PDE1A: variants seen among roughly 807,000 people sequenced by gnomAD.
PDE1A encodes phosphodiesterase 1A.
In PDE1A, 35 loss-of-function variants were observed where a neutral mutation model predicts 61.7. That is an observed-to-expected ratio of 0.57 (90% CI 0.43 to 0.75). The LOEUF (loss-of-function observed/expected upper bound fraction) is 0.75. Ranked by LOEUF, PDE1A falls within the 30% of genes least tolerant of loss-of-function variation. The pLI, the probability that PDE1A is intolerant of heterozygous loss-of-function variation, is 0.00. For missense variants in PDE1A, 597 were observed against 630.6 expected (o/e 0.95, Z 0.57); for synonymous variants, 232 against 213.2 (o/e 1.09, Z -0.77).
At chr2:182,308,335 A>G (rs1288326312) in intron 1 of PDE1A, among the ~76,000 whole-genome samples, 5 of 152,184 alleles carry the variant, frequency 3.3e-5, no homozygotes, top group Non-Finnish European at 7.4e-5. Context: ...ATAAAGATGG[A>G]TGTGGTTTGT....
chr2:182,677,491 G>A, the PDE1A span, among the ~76,000 whole-genome samples: 1 of 151,996 alleles, frequency 6.6e-6, no homozygotes, highest in African/African-American at 2.4e-5. Flanking sequence ...CAAATGATTC[G>A]ATGTTATTCC....
At chr2:182,654,271 T>C in the PDE1A span, among the ~76,000 whole-genome samples, 1 of 152,224 alleles carries the variant, frequency 6.6e-6, no homozygotes, top group African/African-American at 2.4e-5. Context: ...TCCACCACCG[T>C]CTACCAAAAT....
chr2:182,401,961 T>A (rs904385678), intron 1 of PDE1A, among the ~76,000 whole-genome samples: 1 of 151,894 alleles, frequency 6.6e-6, no homozygotes. Context: ...GAAATACAAC[T>A]TACAAGGGAT....
the PDE1A span, among the ~76,000 whole-genome samples, chr2:182,703,116 T>C: frequency 1.4e-4 from 22 of 152,202 alleles, 1 homozygote; most frequent in South Asian, 4.1e-4. Flanking sequence ...GAAAGCATGA[T>C]AAAATTTCTT....
the PDE1A span, among the ~76,000 whole-genome samples, chr2:182,610,767 AAG>A: frequency 2.6e-5 from 4 of 152,324 alleles, no homozygotes; most frequent in African/African-American, 7.2e-5. Flanking sequence ...AACTTTGAAA[AAG>A]AGAGAAGAAA....
intron 2 of PDE1A, chr2:182,241,846 T>C: frequency 6.5e-7 from 1 of 1,547,582 alleles, no homozygotes; most frequent in Middle Eastern, 1.7e-4. Flanking sequence ...ATTTGGATGG[T>C]TTTGATTTAC....
intron 1 of PDE1A, among the ~76,000 whole-genome samples, chr2:182,300,820 T>A (rs562403454): frequency 2.0e-4 from 31 of 152,310 alleles, no homozygotes; most frequent in African/African-American, 6.3e-4. Flanking sequence ...TGTTGTGTAA[T>A]GGCCCATGAA....
At position 182,249,433 on chromosome 2, in the gene PDE1A, G is replaced by A. The variant is rs147642458; in HGVS notation, c.168-9141C>T. 4.6e-4 allele frequency among the ~76,000 whole-genome samples: 70 copies of A among 152,196 alleles called. No individual in the cohort carries two copies. In the East Asian group the frequency reaches 0.012, roughly 27 times the overall value. ...AGCTTCAGGTTCTTCTTGGTCTTGCGGGGCAAACCATGGGGAGAGGAACAC... is the reference window on the plus strand; with the variant it reads ...AGCTTCAGGTTCTTCTTGGTCTTGCAGGGCAAACCATGGGGAGAGGAACAC... On this transcript the variant is annotated intron_variant, in intron 2 of 13. Coordinates refer to ENST00000351439, the Ensembl canonical transcript of PDE1A.
intron 1 of PDE1A, 53 bp from the exon 2 acceptor site, chr2:182,264,467 A>G (rs535301185): frequency 5.9e-5 from 76 of 1,285,320 alleles, no homozygotes; most frequent in Non-Finnish European, 8.2e-5. Context: ...TATTGTAACT[A>G]TATGGAAAAT....
chr2:182,405,612 A>C (rs1480617575), intron 1 of PDE1A, among the ~76,000 whole-genome samples: 1 of 152,202 alleles, frequency 6.6e-6, no homozygotes, highest in Non-Finnish European at 1.5e-5. Flanking sequence ...AATTTTAAGA[A>C]TAAAATATTG....
At chr2:182,218,275 C>A (rs12615015) in intron 7 of PDE1A, among the ~76,000 whole-genome samples, 4 of 109,470 alleles carry the variant, frequency 3.7e-5, no homozygotes, top group Admixed American at 1.9e-4. Context: ...GTTGTGGGGT[C>A]GGGGGAGGGG....
chr2:182,170,623 C>T (rs1373116852), intron 13 of PDE1A, among the ~76,000 whole-genome samples: 1 of 151,968 alleles, frequency 6.6e-6, no homozygotes, highest in Non-Finnish European at 1.5e-5. Context: ...CATGTATACA[C>T]CTGTGATGCT....
chr2:182,487,691 C>T (rs1305568832), intron 2 of PDE1A, among the ~76,000 whole-genome samples: 2 of 152,080 alleles, frequency 1.3e-5, no homozygotes, highest in African/African-American at 2.4e-5. Flanking sequence ...CATGACTGCA[C>T]ATTGACACAA....
chr2:182,494,736 A>C (rs772299430), intron 2 of PDE1A, among the ~76,000 whole-genome samples: 14 of 151,986 alleles, frequency 9.2e-5, no homozygotes, highest in Non-Finnish European at 1.9e-4. Flanking sequence ...CTCCCTCCCA[A>C]GCCCAGGCCT....
At chr2:182,503,319 TC>T (rs1157755319) in intron 2 of PDE1A, among the ~76,000 whole-genome samples, 1 of 152,152 alleles carries the variant, frequency 6.6e-6, no homozygotes, top group African/African-American at 2.4e-5. Context: ...AGCTTTATTT[TC>T]CACAAAATGG....
chr2:182,681,560 C>G, the PDE1A span, among the ~76,000 whole-genome samples: 12 of 134,822 alleles, frequency 8.9e-5, no homozygotes, highest in East Asian at 2.5e-3. Context: ...AATTGCCAAA[C>G]GAGCACCTCT....
chr2:182,251,953 A>G (rs1376248253), intron 2 of PDE1A, among the ~76,000 whole-genome samples: 1 of 152,198 alleles, frequency 6.6e-6, no homozygotes, highest in African/African-American at 2.4e-5. Context: ...TTTGGAAGAC[A>G]AGAGTGTAAG....
rs556900815 is a variant in PDE1A at position 182,289,399 on chromosome 2, G to A, written c.54-24985C>T. Among the ~76,000 whole-genome samples, 3 of 152,088 alleles carry A rather than the reference G, an allele frequency of 2.0e-5. No individual in the cohort carries two copies. In the South Asian group the frequency reaches 6.2e-4, roughly 32 times the overall value. On this transcript the variant is annotated intron_variant, in intron 1 of 13. Coordinates refer to ENST00000351439, the Ensembl canonical transcript of PDE1A. The stretch of plus-strand genomic sequence containing the variant: ...TTCAGAGCCCCTCACATCATTTGAG[G>A]GAGAGCCCAGCTTCACATAAAAGAC...
chr2:182,699,290 T>G, the PDE1A span, among the ~76,000 whole-genome samples: 2 of 152,182 alleles, frequency 1.3e-5, no homozygotes, highest in Admixed American at 1.3e-4. Flanking sequence ...CTTTTCCCAG[T>G]AAAGAAATGG....
Sources: allele counts gnomAD v4.1 joint callset (sites outside exome capture counted in the v4.1 genomes callset), GRCh38; gene constraint gnomAD v4.1.1; transcripts MANE v1.5; gene names NCBI Gene and HGNC (gene_info 2026-07-23, HGNC 2026-07-21).